The following EPHA6 variants were observed in gnomAD, a reference collection of about 807,000 sequenced individuals.
EPHA6 encodes the protein EPH receptor A6.
In EPHA6, 50 loss-of-function variants were observed where a neutral mutation model predicts 112.0. That is an observed-to-expected ratio of 0.45 (90% confidence interval 0.36 to 0.56). The LOEUF is 0.56. EPHA6 is among the 20% of genes least tolerant of loss of function. The pLI is 0.00. For missense variants in EPHA6, 1,280 were observed against 1,417.4 expected, an observed-to-expected ratio of 0.90 and a Z score of 1.56; for synonymous variants, 529 against 490.7, an observed-to-expected ratio of 1.08 and a Z score of -1.03.
At chr3:96,868,772 A>C (rs1190856021) in intron 2 of EPHA6, among the ~76,000 whole-genome samples, 5 of 152,068 alleles carry the variant, frequency 3.3e-5, no homozygotes, top group Admixed American at 2.6e-4. Context: ...AACTCTTCCT[A>C]TAAAGAATTG....
chr3:97,501,130 A>G (rs543324424), intron 10 of EPHA6, among the ~76,000 whole-genome samples: 2 of 152,320 alleles, frequency 1.3e-5, no homozygotes, highest in African/African-American at 4.8e-5. Context: ...GTCACAGTAC[A>G]ACCAGAAATT....
In EPHA6 at chr3:97,658,205, G is replaced by A. The variant is rs184094023; in HGVS notation, c.2784+20123G>A. 1.1e-3 allele frequency among the ~76,000 whole-genome samples: 161 copies of A among 151,946 alleles called. 3 individuals carry two copies. The highest frequency in any genetic ancestry group is 8.7e-4 in the Non-Finnish European group (59 of 67,846). On this transcript the variant is annotated intron_variant, in intron 14 of 17. Transcript: ENST00000389672. ...CATGTAAAACATGCTTTATAATGAAGAGTGAGACTATGAGCCCTGATTTTT... is the reference window on the plus strand; with the variant it reads ...CATGTAAAACATGCTTTATAATGAAAAGTGAGACTATGAGCCCTGATTTTT...
intron 10 of EPHA6, among the ~76,000 whole-genome samples, chr3:97,515,335 G>A (rs569525276): frequency 3.3e-4 from 51 of 152,280 alleles, no homozygotes; most frequent in African/African-American, 1.2e-3. Flanking sequence ...ACAGTGCTGG[G>A]TGTTTTATGT....
At chr3:96,816,728 C>T (rs2107193763) in intron 1 of EPHA6, among the ~76,000 whole-genome samples, 1 of 152,060 alleles carries the variant, frequency 6.6e-6, no homozygotes, top group Middle Eastern at 3.4e-3. Context: ...GGGATACTAA[C>T]ATAAATAAAA....
chr3:97,126,908 A>AG (rs2048197894), intron 3 of EPHA6, among the ~76,000 whole-genome samples: 1 of 151,846 alleles, frequency 6.6e-6, no homozygotes, highest in Non-Finnish European at 1.5e-5. Context: ...AAAAAAAAAA[A>AG]AAAGAACACT....
intron 2 of EPHA6, among the ~76,000 whole-genome samples, chr3:96,917,157 G>T (rs534152756): frequency 6.6e-6 from 1 of 151,798 alleles, no homozygotes; most frequent in South Asian, 2.1e-4. Context: ...GTGGTGGCTC[G>T]CACCTGTAAT....
At chr3:97,424,235 C>T (rs1240896025) in intron 6 of EPHA6, among the ~76,000 whole-genome samples, 1 of 152,058 alleles carries the variant, frequency 6.6e-6, no homozygotes, top group East Asian at 1.9e-4. Flanking sequence ...GGAAACTGTC[C>T]CCATGATTAA....
chr3:97,753,006 C>A lies in EPHA6; in HGVS notation c.*4305C>A, dbSNP rs2035937677. Among the ~76,000 whole-genome samples the A allele has an allele frequency of 6.6e-6, 1 of 151,902 alleles. No individual in the cohort carries two copies. Among genetic ancestry groups the A allele is most frequent in the African/African-American group, 2.4e-5 (1 of 41,364 alleles). ...TTAATATTTTTTAATATGAAGACTCCAAAAGGTAGAGGAGTACACTGGGTT... is the reference window on the plus strand; with the variant it reads ...TTAATATTTTTTAATATGAAGACTCAAAAAGGTAGAGGAGTACACTGGGTT... On this transcript the variant is annotated 3_prime_UTR_variant, in exon 18 of 18. Coordinates refer to ENST00000389672, the MANE Select transcript of EPHA6 (RefSeq NM_001080448.3).
At chr3:97,259,190 A>T (rs1208347564) in intron 5 of EPHA6, among the ~76,000 whole-genome samples, 1 of 152,194 alleles carries the variant, frequency 6.6e-6, no homozygotes, top group African/African-American at 2.4e-5. Flanking sequence ...AAAATAAAAA[A>T]TACACCACAT....
chr3:97,612,550 G>A (rs935335273), intron 13 of EPHA6: 2 of 227,578 alleles, frequency 8.8e-6, no homozygotes, highest in Non-Finnish European at 1.8e-5. Context: ...ATGTTTTAAA[G>A]AAACAATAAT....
chr3:96,885,748 G>T (rs62262952), intron 2 of EPHA6, among the ~76,000 whole-genome samples: 2 of 150,964 alleles, frequency 1.3e-5, no homozygotes, highest in African/African-American at 2.4e-5. Flanking sequence ...TCTTTGTTAC[G>T]TCCCTTTTTC....
chr3:97,514,566 A>G (rs2092417213), intron 10 of EPHA6, among the ~76,000 whole-genome samples: 1 of 152,178 alleles, frequency 6.6e-6, no homozygotes, highest in South Asian at 2.1e-4. Context: ...AGGGATAAAG[A>G]AGGAAAAATG....
At chr3:97,513,458 A>G (rs2092398842) in intron 10 of EPHA6, among the ~76,000 whole-genome samples, 1 of 152,198 alleles carries the variant, frequency 6.6e-6, no homozygotes, top group African/African-American at 2.4e-5. Context: ...TTAAAATGTG[A>G]TGTGGTATAT....
At chr3:97,574,437 T>A (rs924890262) in intron 11 of EPHA6, among the ~76,000 whole-genome samples, 4 of 152,088 alleles carry the variant, frequency 2.6e-5, no homozygotes, top group African/African-American at 9.7e-5. Context: ...AACTGTGTAT[T>A]ATTAGCAGGA....
chr3:97,496,633 C>T (rs2091984925), intron 10 of EPHA6, among the ~76,000 whole-genome samples: 1 of 152,110 alleles, frequency 6.6e-6, no homozygotes, highest in African/African-American at 2.4e-5. Flanking sequence ...ACCATCTTCA[C>T]CTATCTTAGG....
At chr3:97,057,163 C>A (rs901324548) in intron 3 of EPHA6, among the ~76,000 whole-genome samples, 2 of 152,036 alleles carry the variant, frequency 1.3e-5, no homozygotes, top group African/African-American at 4.8e-5. Flanking sequence ...ACTTTGGTTG[C>A]CGGGGATATT....
chr3:96,981,221 C>T (rs1172717671), intron 2 of EPHA6, among the ~76,000 whole-genome samples: 2 of 152,100 alleles, frequency 1.3e-5, no homozygotes, highest in African/African-American at 4.8e-5. Context: ...TGAGATACGT[C>T]CCATCAGTAC....
rs150092438 is a variant in EPHA6 at position 97,748,555 on chromosome 3, C to T, written c.3279-32C>T. Reference sequence around the variant, plus strand: ...TCTCTCTCTTTCTTGCTCTCACTCTCGCTCTCACTCTTGCTCTCTCCTTTC... The same window carrying T: ...TCTCTCTCTTTCTTGCTCTCACTCTTGCTCTCACTCTTGCTCTCTCCTTTC... On this transcript the variant is annotated intron_variant, in intron 17 of 17. Transcript: ENST00000389672. 5.0e-4 allele frequency: 545 copies of T among 1,090,446 alleles called. 2 individuals carry two copies. The East Asian group carries it at 7.4e-3, about 15-fold the overall frequency. 67.5% of individuals were successfully genotyped at this position (1,090,446 alleles called of 1,614,324 possible).
chr3:97,021,249 G>A (rs77442737), intron 3 of EPHA6, among the ~76,000 whole-genome samples: 3,606 of 152,224 alleles, frequency 0.024, 152 homozygotes, highest in African/African-American at 0.082. Context: ...GCAGCTGGTC[G>A]TTTCTTTTAT....
Sources: gnomAD v4.1 joint callset for allele counts (sites outside exome capture counted in the v4.1 genomes callset) on GRCh38, gnomAD v4.1.1 for gene constraint, MANE v1.5 for transcripts, NCBI Gene and HGNC (gene_info 2026-07-23, HGNC 2026-07-21) for gene names.